Variants in FYB1 observed in about 807,000 individuals in gnomAD.
FYB1 encodes the protein FYN-binding protein 1.
In FYB1, 41 loss-of-function variants were observed where a neutral mutation model predicts 94.1. That is an observed-to-expected ratio of 0.44 (90% CI 0.34 to 0.57). The LOEUF is 0.57. Ranked by LOEUF, FYB1 falls within the 20% of genes least tolerant of loss-of-function variation. The probability of loss-of-function intolerance (pLI) is 0.02; values close to 1 mark genes in which losing one functional copy is unlikely to be tolerated. For synonymous variants in FYB1, 367 were observed against 353.2 expected (o/e 1.04, Z -0.44); for missense variants, 1,050 against 976.8 (o/e 1.07, Z -1.00).
At chr5:39,174,330 C>A (rs1019233573) in intron 2 of FYB1, among the ~76,000 whole-genome samples, 1 of 152,130 alleles carries the variant, frequency 6.6e-6, no homozygotes, top group African/African-American at 2.4e-5. Flanking sequence ...ACTTATAGAA[C>A]AAATGACCAA....
Position 39,203,639 on chromosome 5 carries a change from T to C in FYB1, c.-27-652A>G, listed in dbSNP as rs1259542545. Among the ~76,000 whole-genome samples the C allele has an allele frequency of 1.3e-5, 2 of 152,194 alleles. 1 individual carries two copies. Among genetic ancestry groups the C allele is most frequent in the Admixed American group, 1.3e-4 (2 of 15,280 alleles). Reference sequence around the variant, plus strand: ...ATTTAGCACTAAAGATTCACCTGTATCCATACTAGCAGGCGATTGTACTCA... The same window carrying C: ...ATTTAGCACTAAAGATTCACCTGTACCCATACTAGCAGGCGATTGTACTCA... On this transcript the variant is annotated intron_variant, in intron 1 of 18. Coordinates refer to ENST00000512982, the MANE Select transcript of FYB1 (RefSeq NM_001465.6).
In FYB1 at chr5:39,153,564, C is replaced by T; in HGVS notation, c.1176G>A (p.Leu392=). 3.7e-6 allele frequency: 6 copies of T among 1,613,642 alleles called. No individual in the cohort carries two copies. The highest frequency in any genetic ancestry group is 1.1e-5 in the South Asian group (1 of 91,064). Residue 392 remains leucine, a synonymous_variant, in exon 3 of 19, where the codon CTG becomes CTA. Transcript: ENST00000512982. ...KGQTSYSTTS[L]PPPPPSHPAS... is the part of the protein sequence containing the mutation. ...CCGGATGGGATGGTGGAGGTGGTGGCAGGGAAGTTGTTGAGTAAGACGTCT... is the reference window on the plus strand; with the variant it reads ...CCGGATGGGATGGTGGAGGTGGTGGTAGGGAAGTTGTTGAGTAAGACGTCT...
intron 16 of FYB1, among the ~76,000 whole-genome samples, chr5:39,111,221 G>A (rs1739044618): frequency 6.6e-6 from 1 of 151,750 alleles, no homozygotes; most frequent in Non-Finnish European, 1.5e-5. Context: ...CTAATCTTTG[G>A]AATTGTTAGT....
At chr5:39,163,232 GA>G (rs1744427892) in intron 2 of FYB1, among the ~76,000 whole-genome samples, 1 of 152,138 alleles carries the variant, frequency 6.6e-6, no homozygotes, top group African/African-American at 2.4e-5. Context: ...GGGAAATTTT[GA>G]AAACCAATTT....
rs1392840253 is a variant in FYB1, at chr5:39,105,570, G to C, written c.*1873C>G. 2.6e-5 allele frequency: 4 copies of C among 152,198 alleles called. No homozygotes were observed. The highest frequency in any genetic ancestry group is 5.9e-5 in the Non-Finnish European group (4 of 68,044). 9.4% of individuals were successfully genotyped at this position (152,198 alleles called of 1,614,324 possible). A position where few individuals can be genotyped will look rare whatever the true frequency, so the allele number is the denominator to read the frequency against. ...AAGTCTGCCCCAATGAAGGCAGGAG[G>C]AGGGATGGCTGGAAGTGTCTCAGGG... On this transcript the variant is annotated 3_prime_UTR_variant, in exon 19 of 19. Transcript: ENST00000512982.
At position 39,202,494 on chromosome 5, in the gene FYB1, C is replaced by A; in HGVS notation, c.467G>T (p.Gly156Val). 6.2e-7 allele frequency: 1 copy of A among 1,613,812 alleles called. No homozygotes were observed. Among genetic ancestry groups the A allele is most frequent in the Non-Finnish European group, 8.5e-7 (1 of 1,179,852 alleles). The change falls in exon 2 of 19, where the codon GGG becomes GTG. Residue 156 changes from glycine to valine, a missense_variant. Coordinates refer to ENST00000512982, the MANE Select transcript of FYB1 (RefSeq NM_001465.6). ...HDLKPLGPKS[G>V]PTPPTSENEQ... ...ATTTTCTGAGGTTGGAGGAGTAGGC[C>A]CAGATTTCGGGCCTAGTGGCTTTAA...
intron 14 of FYB1, among the ~76,000 whole-genome samples, chr5:39,120,699 A>T (rs1039571440): frequency 1.3e-5 from 2 of 152,090 alleles, no homozygotes; most frequent in East Asian, 3.9e-4. Context: ...TAAAAATTAG[A>T]ATATATTAAT....
intron 13 of FYB1, among the ~76,000 whole-genome samples, chr5:39,122,682 A>C (rs755880861): frequency 2.0e-5 from 3 of 152,120 alleles, no homozygotes; most frequent in Non-Finnish European, 4.4e-5. Flanking sequence ...TGATTATCTG[A>C]AGATCTACAA....
intron 1 of FYB1, among the ~76,000 whole-genome samples, chr5:39,262,551 G>T (rs565367563): frequency 2.7e-4 from 41 of 152,286 alleles, no homozygotes; most frequent in Non-Finnish European, 5.1e-4. Flanking sequence ...GCTGATGGGA[G>T]GTAAATCATT....
At chr5:39,127,059 CAAAAAAAAAAA>C (rs200980181) in intron 11 of FYB1, among the ~76,000 whole-genome samples, 2 of 77,486 alleles carry the variant, frequency 2.6e-5, no homozygotes, top group African/African-American at 4.7e-5. Context: ...ACTCAGGTCT[CAAAAAAAAAAA>C]AAAAAAAAAA....
chr5:39,172,869 T>C (rs987602949), intron 2 of FYB1, among the ~76,000 whole-genome samples: 3 of 152,236 alleles, frequency 2.0e-5, no homozygotes, highest in Admixed American at 2.0e-4. Context: ...CCTAGGTTAA[T>C]TGCATGTCTT....
rs745685552 is a variant in FYB1 at position 39,124,231 on chromosome 5, A to G, written c.2071+22T>C. 5.3e-6 allele frequency: 8 copies of G among 1,521,400 alleles called. No homozygotes were observed. The Admixed American group carries it at 1.4e-4, about 27-fold the overall frequency. 94.2% of individuals were successfully genotyped at this position (1,521,400 alleles called of 1,614,324 possible). A position where few individuals can be genotyped will look rare whatever the true frequency, so the allele number is the denominator to read the frequency against. ...TGCAAGAAATGAAGATACAGAACAT[A>G]CAATCAGTTTTTATTACTTACCCAA... On this transcript the variant is annotated intron_variant, in intron 13 of 18. Transcript: ENST00000512982.
chr5:39,211,949 T>C (rs1463064971), intron 1 of FYB1, among the ~76,000 whole-genome samples: 1 of 152,056 alleles, frequency 6.6e-6, no homozygotes, highest in African/African-American at 2.4e-5. Flanking sequence ...CTTCCCAGCA[T>C]GTGAAAAGAT....
intron 1 of FYB1, among the ~76,000 whole-genome samples, chr5:39,208,071 T>C (rs1222770359): frequency 2.0e-5 from 3 of 152,206 alleles, no homozygotes; most frequent in African/African-American, 7.2e-5. Flanking sequence ...AATAACTGTA[T>C]AGAAACTAAA....
intron 1 of FYB1, among the ~76,000 whole-genome samples, chr5:39,234,191 T>A (rs1352949083): frequency 1.3e-5 from 2 of 152,114 alleles, no homozygotes; most frequent in African/African-American, 4.8e-5. Context: ...CATGGAAACA[T>A]AAAGAGTATG....
Position 39,249,351 on chromosome 5 carries a change from C to T in FYB1, c.-28+25052G>A, listed in dbSNP as rs565259429. On this transcript the variant is annotated intron_variant, in intron 1 of 1. Transcript: ENST00000510188. ...GACCACATGGTCTTTGCTGAAATGA[C>T]GCAGCTCTGCTCTTGTAGTATGAGG... is the stretch of plus-strand genomic sequence containing the variant. Among the ~76,000 whole-genome samples the T allele has an allele frequency of 8.1e-4, 123 of 152,300 alleles. 1 individual carries two copies. The Middle Eastern group carries it at 0.014, about 17-fold the overall frequency.
intron 3 of FYB1, among the ~76,000 whole-genome samples, chr5:39,144,767 A>C (rs1742496969): frequency 6.6e-6 from 1 of 152,190 alleles, no homozygotes; most frequent in Non-Finnish European, 1.5e-5. Flanking sequence ...GTGCCACTGC[A>C]CTCTAGACTG....
At chr5:39,138,986 T>C (rs1228742721) in intron 5 of FYB1, 1 of 548,824 alleles carries the variant, frequency 1.8e-6, no homozygotes, top group Non-Finnish European at 3.2e-6. Context: ...CTTTTCTATC[T>C]TGCTATATAA....
chr5:39,271,970 A>C (rs962427439), intron 1 of FYB1, among the ~76,000 whole-genome samples: 2 of 152,204 alleles, frequency 1.3e-5, no homozygotes, highest in African/African-American at 4.8e-5. Flanking sequence ...CTTTACTTTC[A>C]CTAGAAAGCC....
Sources: allele counts gnomAD v4.1 joint callset (sites outside exome capture counted in the v4.1 genomes callset), GRCh38; gene constraint gnomAD v4.1.1; transcripts MANE v1.5; gene names NCBI Gene and HGNC (gene_info 2026-07-23, HGNC 2026-07-21).